COL24A1: variants seen among roughly 807,000 people sequenced by gnomAD.
COL24A1 encodes the protein collagen type XXIV alpha 1 chain.
A neutral mutation model predicts 253.9 loss-of-function variants in COL24A1; 224 were observed. The ratio of observed to expected loss-of-function variants is 0.88; its 90% CI spans 0.79 to 0.99. The LOEUF is 0.99. Among genes scored for constraint, COL24A1 ranks in the 50% least tolerant of loss-of-function variants. COL24A1 has a pLI of 0.00. For synonymous variants in COL24A1, 685 were observed against 673.7 expected, an observed-to-expected ratio of 1.02 and a Z score of -0.26; for missense variants, 2,131 against 2,068.5, an observed-to-expected ratio of 1.03 and a Z score of -0.59.
At chr1:86,099,581 C>A (rs966110649) in intron 5 of COL24A1, among the ~76,000 whole-genome samples, 5 of 152,182 alleles carry the variant, frequency 3.3e-5, no homozygotes, top group Admixed American at 1.3e-4. Context: ...AGCAGCTGTT[C>A]AACTGCTCAA....
intron 33 of COL24A1, among the ~76,000 whole-genome samples, chr1:85,876,304 A>G (rs1029702939): frequency 2.0e-5 from 3 of 152,106 alleles, no homozygotes; most frequent in African/African-American, 7.2e-5. Flanking sequence ...TGAGAGGATT[A>G]GGTAGAAGAA....
chr1:85,941,019 A>T (rs1337795628), intron 24 of COL24A1, among the ~76,000 whole-genome samples: 2 of 152,202 alleles, frequency 1.3e-5, no homozygotes, highest in African/African-American at 4.8e-5. Flanking sequence ...GGTTGAACTT[A>T]AGGTGTTATT....
intron 40 of COL24A1, 57 bp downstream of exon 40, chr1:85,842,283 T>C (rs1468334276): frequency 8.0e-6 from 11 of 1,382,702 alleles, no homozygotes; most frequent in Non-Finnish European, 4.0e-6. Flanking sequence ...ATTTGGGATA[T>C]CATCTTTAAT....
intron 24 of COL24A1, among the ~76,000 whole-genome samples, chr1:85,947,978 G>A (rs1689493089): frequency 6.7e-6 from 1 of 149,656 alleles, no homozygotes; most frequent in African/African-American, 2.5e-5. Flanking sequence ...TTTGAAATTG[G>A]TATTTTTGAA....
chr1:85,997,763 GAA>G (rs56060135), intron 19 of COL24A1, among the ~76,000 whole-genome samples: 57 of 136,056 alleles, frequency 4.2e-4, no homozygotes, highest in East Asian at 6.3e-4. Context: ...CCTGGCTACA[GAA>G]AAAAAAAAAA....
At chr1:85,923,710 A>G (rs1686828495) in intron 24 of COL24A1, among the ~76,000 whole-genome samples, 1 of 152,234 alleles carries the variant, frequency 6.6e-6, no homozygotes, top group Non-Finnish European at 1.5e-5. Flanking sequence ...TGCCCACAAG[A>G]GAAAGCAGGA....
intron 43 of COL24A1, among the ~76,000 whole-genome samples, chr1:85,827,120 G>T (rs1019262486): frequency 2.0e-5 from 3 of 152,182 alleles, no homozygotes; most frequent in African/African-American, 4.8e-5. Flanking sequence ...AATTAATGGA[G>T]AGTTTTTAGC....
chr1:86,070,626 A>G (rs1345381701), intron 7 of COL24A1, among the ~76,000 whole-genome samples: 1 of 152,214 alleles, frequency 6.6e-6, no homozygotes, highest in Non-Finnish European at 1.5e-5. Context: ...GCGGAAATAC[A>G]TCTGGCAGCA....
chr1:85,826,822 T>G (rs1570780835), intron 43 of COL24A1, among the ~76,000 whole-genome samples: 1 of 152,200 alleles, frequency 6.6e-6, no homozygotes, highest in Admixed American at 6.5e-5. Flanking sequence ...AAGGAGATTT[T>G]GGGCTGAGAC....
At position 85,747,339 on chromosome 1, in the gene COL24A1, C is replaced by A. The variant is rs1665346983; in HGVS notation, c.4438-1833G>T. Among the ~76,000 whole-genome samples the A allele has an allele frequency of 8.6e-5, 13 of 151,996 alleles. No individual in the cohort carries two copies. In the South Asian group the frequency reaches 2.7e-3, roughly 32 times the overall value. ...ATGTTGGCCAGGCTGGTCTCAAACTCCTGACCTCAGGTGATCTGCCCGCCT... is the reference window on the plus strand; with the variant it reads ...ATGTTGGCCAGGCTGGTCTCAAACTACTGACCTCAGGTGATCTGCCCGCCT... On this transcript the variant is annotated intron_variant, in intron 55 of 59. Coordinates refer to ENST00000370571, the MANE Select transcript of COL24A1 (RefSeq NM_152890.7).
chr1:86,082,241 A>C (rs894135820), intron 7 of COL24A1, among the ~76,000 whole-genome samples: 3 of 152,166 alleles, frequency 2.0e-5, no homozygotes, highest in Non-Finnish European at 4.4e-5. Flanking sequence ...TATACTCTAC[A>C]TGCTTTAACA....
intron 3 of COL24A1, among the ~76,000 whole-genome samples, chr1:86,123,550 T>C (rs1364132407): frequency 1.3e-5 from 2 of 152,020 alleles, no homozygotes; most frequent in Admixed American, 1.3e-4. Flanking sequence ...AGTAAATATC[T>C]GCTGAATATT....
At chr1:86,140,536 A>G (rs1650928963) in intron 2 of COL24A1, among the ~76,000 whole-genome samples, 2 of 152,240 alleles carry the variant, frequency 1.3e-5, no homozygotes, top group Non-Finnish European at 2.9e-5. Context: ...GCTTCTGTTA[A>G]CAATAAACAC....
At chr1:86,120,105 C>A (rs1429456425) in intron 3 of COL24A1, among the ~76,000 whole-genome samples, 2 of 152,172 alleles carry the variant, frequency 1.3e-5, no homozygotes, top group Admixed American at 6.5e-5. Flanking sequence ...AAAGCTGAAA[C>A]TGGATCCCTG....
intron 53 of COL24A1, among the ~76,000 whole-genome samples, chr1:85,766,368 C>CAAAAAAAAAAAAAAAAAAAA (rs1319642983): frequency 1.5e-5 from 1 of 66,278 alleles, no homozygotes; most frequent in African/African-American, 6.3e-5. Context: ...GACTCTGTCT[C>CAAAAAAAAAAAAAAAAAAAA]AAAAAAAAAA....
intron 24 of COL24A1, among the ~76,000 whole-genome samples, chr1:85,939,139 C>A (rs991274680): frequency 6.6e-6 from 1 of 152,082 alleles, no homozygotes; most frequent in Non-Finnish European, 1.5e-5. Context: ...TTATATACAG[C>A]CACTCAGAGT....
rs773461210 is a variant in COL24A1, at chr1:86,057,978, G to C, written c.1807-3C>G. 15 of 1,611,454 alleles carry C rather than the reference G, an allele frequency of 9.3e-6. No homozygotes were observed. The highest frequency in any genetic ancestry group is 1.7e-5 in the Admixed American group (1 of 59,710). ...TTACCTTCTGGTCCAGCTAAACCCT[G>C]GTGTAAACAAAAGACATTGTCATCA... is the stretch of plus-strand genomic sequence containing the variant. On this transcript the variant is annotated splice_polypyrimidine_tract_variant and splice_region_variant and intron_variant, in intron 9 of 59. Coordinates refer to ENST00000370571, the MANE Select transcript of COL24A1 (RefSeq NM_152890.7).
intron 53 of COL24A1, among the ~76,000 whole-genome samples, chr1:85,768,517 G>A (rs1398391972): frequency 6.7e-6 from 1 of 148,850 alleles, no homozygotes; most frequent in Non-Finnish European, 1.5e-5. Context: ...TTGAGAATAG[G>A]ATTTACAGCT....
chr1:85,743,895 C>G (rs529313751), intron 57 of COL24A1, among the ~76,000 whole-genome samples: 1 of 151,888 alleles, frequency 6.6e-6, no homozygotes, highest in African/African-American at 2.4e-5. Context: ...TGTGTATGTG[C>G]GTGTTTGTGT....
Sources: gnomAD v4.1 joint callset for allele counts (sites outside exome capture counted in the v4.1 genomes callset) on GRCh38, gnomAD v4.1.1 for gene constraint, MANE v1.5 for transcripts, NCBI Gene and HGNC (gene_info 2026-07-23, HGNC 2026-07-21) for gene names.